The following OSBPL6 variants were observed in gnomAD, a reference collection of about 807,000 sequenced individuals.
OSBPL6 encodes oxysterol-binding protein-related protein 6.
OSBPL6 carries 49 observed loss-of-function variants against 125.8 expected under a neutral mutation model. The observed-to-expected ratio is 0.39, with a 90% CI of 0.31 to 0.49. OSBPL6 has a LOEUF of 0.49. Ranked by LOEUF, OSBPL6 falls within the 20% of genes least tolerant of loss-of-function variation. The pLI is 0.88. For synonymous variants in OSBPL6, 394 were observed against 391.8 expected (o/e 1.01, Z -0.07); for missense variants, 986 against 1,135.4 (o/e 0.87, Z 1.89).
intron 3 of OSBPL6, among the ~76,000 whole-genome samples, chr2:178,322,800 A>C (rs1688353272): frequency 6.6e-6 from 1 of 151,860 alleles, no homozygotes; most frequent in Admixed American, 6.6e-5. Context: ...TTGGTGGGGG[A>C]AGCATTTTAT....
At chr2:178,328,459 A>G in intron 5 of OSBPL6, 81 bp downstream of exon 5, 2 of 1,537,980 alleles carry the variant, frequency 1.3e-6, no homozygotes, top group East Asian at 4.5e-5. Context: ...GTGGGAAACT[A>G]AGAATATGGC....
chr2:178,208,511 T>C (rs968831874), intron 1 of OSBPL6, among the ~76,000 whole-genome samples: 3 of 152,124 alleles, frequency 2.0e-5, no homozygotes, highest in Non-Finnish European at 4.4e-5. Flanking sequence ...AAAATACTTA[T>C]TTGCTTATGT....
chr2:178,235,398 C>CTTTTTTTTT (rs540269327), intron 1 of OSBPL6, among the ~76,000 whole-genome samples: 19 of 78,040 alleles, frequency 2.4e-4, no homozygotes, highest in South Asian at 1.5e-3. Flanking sequence ...CTTTTCTTTT[C>CTTTTTTTTT]TTTTTTTTTT....
rs1407477025 is a variant in OSBPL6 at position 178,400,673 on chromosome 2, A to G, written c.*5114A>G. ...AACAGTACTTGATACAGTTTGATGT[A>G]TGTATATACCCTTGACATAATCAAA... On this transcript the variant is annotated 3_prime_UTR_variant, in exon 25 of 25. Transcript: ENST00000190611. 3 of 152,214 alleles carry G rather than the reference A, an allele frequency of 2.0e-5. No individual in the cohort carries two copies. Among genetic ancestry groups the G allele is most frequent in the Non-Finnish European group, 4.4e-5 (3 of 68,044 alleles). 9.4% of individuals were successfully genotyped at this position (152,214 alleles called of 1,614,324 possible). A position where few individuals can be genotyped will look rare whatever the true frequency, so the allele number is the denominator to read the frequency against.
At chr2:178,351,452 A>G (rs1012225858) in intron 12 of OSBPL6, among the ~76,000 whole-genome samples, 20 of 152,314 alleles carry the variant, frequency 1.3e-4, no homozygotes, top group African/African-American at 3.4e-4. Context: ...GAATAACAAC[A>G]TAGCTAAAAA....
chr2:178,243,586 C>T (rs947516975), intron 1 of OSBPL6, among the ~76,000 whole-genome samples: 3 of 152,136 alleles, frequency 2.0e-5, no homozygotes, highest in Admixed American at 2.0e-4. Flanking sequence ...CAAACTCATC[C>T]CCTTCTCCCA....
chr2:178,306,229 C>G lies in OSBPL6; in HGVS notation c.45C>G (p.Ser15=). 1 of 1,613,894 alleles carries G rather than the reference C, an allele frequency of 6.2e-7. No individual in the cohort carries two copies. Among genetic ancestry groups the G allele is most frequent in the African/African-American group, 1.3e-5 (1 of 75,006 alleles). ...EKGISPAHKT[S]TPTHRSASSS... is the part of the protein sequence containing the mutation. ...GCATTTCCCCTGCTCATAAAACATC[C>G]ACTCCAACCCATAGAAGTGCCTCCT... The change falls in exon 3 of 25, where the codon TCC becomes TCG. Residue 15 remains serine (S), a synonymous_variant. Transcript: ENST00000190611.
chr2:178,348,206 C>T (rs1174623602), intron 11 of OSBPL6, among the ~76,000 whole-genome samples: 1 of 152,210 alleles, frequency 6.6e-6, no homozygotes, highest in Non-Finnish European at 1.5e-5. Context: ...TGGTTCCTTC[C>T]TCCCACAGCA....
At chr2:178,329,530 T>A (rs1689003034) in intron 5 of OSBPL6, among the ~76,000 whole-genome samples, 1 of 152,000 alleles carries the variant, frequency 6.6e-6, no homozygotes, top group Admixed American at 6.6e-5. Flanking sequence ...TTCTTCTGCC[T>A]CAGCCTCCCT....
intron 11 of OSBPL6, among the ~76,000 whole-genome samples, chr2:178,345,457 C>T (rs1320100109): frequency 1.3e-5 from 2 of 152,150 alleles, no homozygotes; most frequent in Admixed American, 6.5e-5. Flanking sequence ...TGAAATGAAC[C>T]AGTGACTTGG....
chr2:178,285,340 G>C (rs1684597359), intron 2 of OSBPL6, among the ~76,000 whole-genome samples: 1 of 151,806 alleles, frequency 6.6e-6, no homozygotes, highest in Non-Finnish European at 1.5e-5. Context: ...AAAATATTTG[G>C]TAACCATTTT....
At chr2:178,196,396 A>G (rs1452189605) in intron 1 of OSBPL6, among the ~76,000 whole-genome samples, 4 of 152,194 alleles carry the variant, frequency 2.6e-5, no homozygotes, top group African/African-American at 9.7e-5. Flanking sequence ...GGTTTTGCTC[A>G]TATTTTTGGA....
intron 3 of OSBPL6, among the ~76,000 whole-genome samples, chr2:178,308,220 G>T (rs541944150): frequency 1.1e-3 from 169 of 152,336 alleles, no homozygotes; most frequent in African/African-American, 3.6e-3. Context: ...GAATAGAAGA[G>T]ATCAATTACA....
intron 3 of OSBPL6, among the ~76,000 whole-genome samples, chr2:178,318,260 C>G (rs973229596): frequency 2.0e-5 from 3 of 152,162 alleles, no homozygotes; most frequent in African/African-American, 7.2e-5. Context: ...AATGGTGAGG[C>G]TATAGTGGTT....
In OSBPL6 at chr2:178,336,338, C is replaced by T; in HGVS notation, c.695C>T (p.Pro232Leu). The T allele has an allele frequency of 1.9e-6, 3 of 1,614,066 alleles. No individual in the cohort carries two copies. Among genetic ancestry groups the T allele is most frequent in the Non-Finnish European group, 2.5e-6 (3 of 1,179,978 alleles). ...AGCTTTCCGTGGCAGTCCCCTTTAC[C>T]ATGCAGCAATAGCCTCCCTGCAACG... Reference protein sequence around the residue: ...PNSFPWQSPLPCSNSLPATCT... With the variant: ...PNSFPWQSPLLCSNSLPATCT... The change falls in exon 9 of 25, where the codon CCA becomes CTA. Residue 232 changes from proline (P) to leucine (L), a missense_variant. By Grantham distance (98) the Pro-to-Leu change is moderately conservative. Coordinates refer to ENST00000190611, the MANE Select transcript of OSBPL6 (RefSeq NM_032523.4).
intron 5 of OSBPL6, among the ~76,000 whole-genome samples, chr2:178,329,871 T>G (rs1689044580): frequency 6.6e-6 from 1 of 152,220 alleles, no homozygotes; most frequent in Non-Finnish European, 1.5e-5. Flanking sequence ...ATTGGCTCAG[T>G]GCAGGGAGGT....
chr2:178,200,296 G>C (rs939779132), intron 1 of OSBPL6, among the ~76,000 whole-genome samples: 2 of 133,886 alleles, frequency 1.5e-5, no homozygotes, highest in African/African-American at 5.9e-5. Flanking sequence ...CTGTCACCCA[G>C]GCCCGAGTGC....
rs532100780 is a variant in OSBPL6, at chr2:178,312,636, A to G, written c.102+6350A>G. On this transcript the variant is annotated intron_variant, in intron 3 of 24. Coordinates refer to ENST00000190611, the MANE Select transcript of OSBPL6 (RefSeq NM_032523.4). ...ACATCTGGCTAATTTTTGTACTTTT[A>G]GTAGAGATGGGGTTTCACTACGTTT... Among the ~76,000 whole-genome samples the G allele has an allele frequency of 2.6e-5, 4 of 151,862 alleles. No homozygotes were observed. In the South Asian group the frequency reaches 6.2e-4, roughly 24 times the overall value.
At chr2:178,271,935 A>T (rs2092383112) in intron 1 of OSBPL6, among the ~76,000 whole-genome samples, 1 of 152,234 alleles carries the variant, frequency 6.6e-6, no homozygotes, top group Non-Finnish European at 1.5e-5. Flanking sequence ...ACAGTTCTGT[A>T]AAAGTCTGTT....
Sources: gnomAD v4.1 joint callset for allele counts (sites outside exome capture counted in the v4.1 genomes callset) on GRCh38, gnomAD v4.1.1 for gene constraint, MANE v1.5 for transcripts, NCBI Gene and HGNC (gene_info 2026-07-23, HGNC 2026-07-21) for gene names.